KCNK18: variants seen among roughly 807,000 people sequenced by gnomAD.
The protein encoded by KCNK18 is potassium channel subfamily K member 18.
KCNK18 carries 8 observed loss-of-function variants against 11.8 expected under a neutral mutation model. That is an observed-to-expected ratio of 0.68 (90% CI 0.40 to 1.22). The LOEUF (loss-of-function observed/expected upper bound fraction) is 1.22. KCNK18 is among the 50% of genes most tolerant of loss of function. The probability of loss-of-function intolerance (pLI) is 0.01; values close to 1 mark genes in which losing one functional copy is unlikely to be tolerated. For synonymous variants in KCNK18, 208 were observed against 185.8 expected, an observed-to-expected ratio of 1.12 and a Z score of -0.97; for missense variants, 442 against 465.4, an observed-to-expected ratio of 0.95 and a Z score of 0.46.
At chr10:117,201,023 C>T (rs539144617) in intron 1 of KCNK18, 136 bp from the exon 2 acceptor site, 21 of 1,007,636 alleles carry the variant, frequency 2.1e-5, no homozygotes, top group African/African-American at 6.3e-5. Context: ...CTCCGACCAC[C>T]GAGCTTTGGT....
In KCNK18 at chr10:117,200,686, C is replaced by T. The variant is rs535362017; in HGVS notation, c.224-473C>T. Among the ~76,000 whole-genome samples the T allele has an allele frequency of 9.2e-5, 14 of 152,126 alleles. No individual in the cohort carries two copies. In the South Asian group the frequency reaches 2.3e-3, roughly 25 times the overall value. On this transcript the variant is annotated intron_variant, in intron 1 of 2. Transcript: ENST00000334549. ...CTGGGCATGGGTGTGGTAGTACGCC[C>T]CTGTAGTCTCAGCTACGCAGGAGGC...
rs1222901550 is a variant in KCNK18, at chr10:117,210,201, A to G, written c.1057A>G (p.Ile353Val). 8.1e-6 allele frequency: 13 copies of G among 1,614,200 alleles called. No homozygotes were observed. Among genetic ancestry groups the G allele is most frequent in the Non-Finnish European group, 1.1e-5 (13 of 1,180,014 alleles). Reference sequence around the variant, plus strand: ...CATCGTTGGAATGGAGATTGTGTTCATTGCTTTCAAGTTGGTGCAAAACAG... The same window carrying G: ...CATCGTTGGAATGGAGATTGTGTTCGTTGCTTTCAAGTTGGTGCAAAACAG... ...YIIVGMEIVF[I>V]AFKLVQNRLI... is the part of the protein sequence containing the mutation. The change falls in exon 3 of 3, where the codon ATT becomes GTT. Residue 353 changes from isoleucine (I) to valine (V), a missense_variant. Physicochemically the swap from Ile to Val is conservative, Grantham distance 29 (BLOSUM62 3). Transcript: ENST00000334549.
chr10:117,197,602 TG>T lies in KCNK18; in HGVS notation c.115del (p.Val39TrpfsTer31). 1 of 1,614,118 alleles carries T rather than the reference TG, an allele frequency of 6.2e-7. No homozygotes were observed. The highest frequency in any genetic ancestry group is 8.5e-7 in the Non-Finnish European group (1 of 1,179,942). Reference sequence around the variant, plus strand: ...TGGTGACCTACGCCCTGGTGGGTGCTGTGGTCTTCTCTGCCATTGAGGACGG... The same window carrying T: ...TGGTGACCTACGCCCTGGTGGGTGCTTGGTCTTCTCTGCCATTGAGGACGG... Reference protein sequence around the residue: ...FLVTYALVGAVVFSAIEDGQV... With the variant: ...FLVTYALVGAXVFSAIEDGQV... On this transcript the variant is annotated frameshift_variant, in exon 1 of 3. Transcript: ENST00000334549. LOFTEE classifies it high-confidence loss of function.
intron 1 of KCNK18, among the ~76,000 whole-genome samples, chr10:117,199,134 C>G (rs543597263): frequency 6.6e-6 from 1 of 152,258 alleles, no homozygotes; most frequent in South Asian, 2.1e-4. Context: ...GCCTGGGCAA[C>G]AAGGTGAGAC....
At chr10:117,208,450 A>G (rs890765019) in intron 2 of KCNK18, among the ~76,000 whole-genome samples, 11 of 152,170 alleles carry the variant, frequency 7.2e-5, no homozygotes, top group Non-Finnish European at 1.2e-4. Flanking sequence ...TACAGATAAA[A>G]AAAACCTGAA....
chr10:117,205,441 G>C (rs187227342), intron 2 of KCNK18, among the ~76,000 whole-genome samples: 6 of 152,236 alleles, frequency 3.9e-5, no homozygotes, highest in Non-Finnish European at 8.8e-5. Flanking sequence ...ATCTCACCCA[G>C]AGGCAGCCAA....
intron 1 of KCNK18, among the ~76,000 whole-genome samples, chr10:117,198,335 G>C (rs1346374946): frequency 6.6e-6 from 1 of 152,092 alleles, no homozygotes; most frequent in African/African-American, 2.4e-5. Flanking sequence ...CTCCCAGCTT[G>C]CTCTGCAATC....
At chr10:117,206,728 A>G (rs1318484904) in intron 2 of KCNK18, among the ~76,000 whole-genome samples, 2 of 152,060 alleles carry the variant, frequency 1.3e-5, no homozygotes, top group Non-Finnish European at 2.9e-5. Flanking sequence ...CCTTGGTGAA[A>G]AGTTAGAAAA....
In KCNK18 at chr10:117,209,712, C is replaced by G. The variant is rs372982639; in HGVS notation, c.568C>G (p.Pro190Ala). 2.5e-6 allele frequency: 4 copies of G among 1,611,668 alleles called. No homozygotes were observed. The highest frequency in any genetic ancestry group is 3.4e-6 in the Non-Finnish European group (4 of 1,178,030). ...WCPKSLFKKK[P>A]DPKPADEAVP... ...CCCCAAATCTCTCTTCAAGAAAAAA[C>G]CGGACCCCAAGCCCGCAGATGAAGC... The change falls in exon 3 of 3, where the codon CCG (proline) becomes GCG (alanine). Residue 190 changes from proline to alanine, a missense_variant. Physicochemically the swap from Pro to Ala is conservative, Grantham distance 27. Coordinates refer to ENST00000334549, the MANE Select transcript of KCNK18 (RefSeq NM_181840.1).
At position 117,209,841 on chromosome 10, in the gene KCNK18, G is replaced by A. The variant is rs749608744; in HGVS notation, c.697G>A (p.Ala233Thr). The A allele has an allele frequency of 6.2e-7, 1 of 1,614,164 alleles. No individual in the cohort carries two copies. Among genetic ancestry groups the A allele is most frequent in the South Asian group, 1.1e-5 (1 of 91,080 alleles). Residue 233 changes from alanine (A) to threonine (T), a missense_variant, in exon 3 of 3, where the codon GCG becomes ACG. Physicochemically the swap from Ala to Thr is moderately conservative, Grantham distance 58. Transcript: ENST00000334549. Reference sequence around the variant, plus strand: ...CATGGAGCTGTTTGAGAGATCTCATGCGCTAGAGAAACAGAACACACTGCA... The same window carrying A: ...CATGGAGCTGTTTGAGAGATCTCATACGCTAGAGAAACAGAACACACTGCA... ...CSMELFERSH[A>T]LEKQNTLQLP...
chr10:117,202,260 G>A (rs1294801507), intron 2 of KCNK18, among the ~76,000 whole-genome samples: 5 of 152,236 alleles, frequency 3.3e-5, no homozygotes, highest in Admixed American at 3.3e-4. Flanking sequence ...TGGCCCCTCT[G>A]AGCCTTGTAC....
intron 2 of KCNK18, among the ~76,000 whole-genome samples, chr10:117,202,883 ATGC>A (rs1323490384): frequency 4.0e-5 from 2 of 49,832 alleles, no homozygotes; most frequent in African/African-American, 1.1e-4. Context: ...ATTTGCCTGA[ATGC>A]TTTTTTTTTT....
intron 2 of KCNK18, among the ~76,000 whole-genome samples, chr10:117,201,508 T>C (rs1855013879): frequency 6.6e-6 from 1 of 152,230 alleles, no homozygotes; most frequent in African/African-American, 2.4e-5. Context: ...ACCTTTATGC[T>C]GATTAGCTCA....
rs147892870 is a variant in KCNK18, at chr10:117,209,930, A to G, written c.786A>G (p.Ser262=). The change falls in exon 3 of 3, where the codon TCA becomes TCG. Residue 262 remains serine, a synonymous_variant. Transcript: ENST00000334549. ...SCPELVLGRL[S]YSIISNLDEV... ...CCGAACTGGTGTTGGGAAGACTCTCATACTCCATCATCAGCAACCTGGATG... is the reference window on the plus strand; with the variant it reads ...CCGAACTGGTGTTGGGAAGACTCTCGTACTCCATCATCAGCAACCTGGATG... 24 of 1,614,118 alleles carry G rather than the reference A, an allele frequency of 1.5e-5. No individual in the cohort carries two copies. In the African/African-American group the frequency reaches 3.1e-4, roughly 21 times the overall value.
chr10:117,201,303 C>T lies in KCNK18; in HGVS notation c.352+16C>T. 2.5e-6 allele frequency: 4 copies of T among 1,611,682 alleles called. No homozygotes were observed. Among genetic ancestry groups the T allele is most frequent in the Non-Finnish European group, 2.5e-6 (3 of 1,179,946 alleles). ...AGCACCGTGGGTAAGTGCAAAGCCA[C>T]AGTCCCCCTCACGGTGGCCCTGTGA... On this transcript the variant is annotated intron_variant, in intron 2 of 2. Transcript: ENST00000334549.
chr10:117,205,374 G>A (rs1262069881), intron 2 of KCNK18, among the ~76,000 whole-genome samples: 2 of 152,290 alleles, frequency 1.3e-5, no homozygotes, highest in South Asian at 2.1e-4. Context: ...TCTGAGACCT[G>A]CTTCCTTTAA....
In KCNK18 at chr10:117,197,545, G is replaced by C; in HGVS notation, c.57G>C (p.Lys19Asn). 1 of 1,614,216 alleles carries C rather than the reference G, an allele frequency of 6.2e-7. No individual in the cohort carries two copies. The highest frequency in any genetic ancestry group is 8.5e-7 in the Non-Finnish European group (1 of 1,180,048). ...ARRCCPEALG[K>N]LFPGLCFLCF... ...GATGCTGCCCAGAGGCCCTGGGAAA[G>C]CTCTTCCCTGGCCTCTGCTTCCTCT... The change falls in exon 1 of 3, where the codon AAG (lysine) becomes AAC (asparagine). Residue 19 changes from lysine (K) to asparagine (N), a missense_variant. By Grantham distance (94) the Lys-to-Asn change is moderately conservative. Transcript: ENST00000334549.
At chr10:117,203,560 GAC>G (rs1855039766) in intron 2 of KCNK18, among the ~76,000 whole-genome samples, 3 of 152,322 alleles carry the variant, frequency 2.0e-5, no homozygotes, top group African/African-American at 7.2e-5. Context: ...AGCTTTTTGA[GAC>G]AGAGTCTTGC....
In KCNK18 at chr10:117,197,518, G is replaced by A; in HGVS notation, c.30G>A (p.Arg10=). 1.9e-6 allele frequency: 3 copies of A among 1,613,746 alleles called. No homozygotes were observed. Among genetic ancestry groups the A allele is most frequent in the Admixed American group, 1.7e-5 (1 of 60,034 alleles). The change falls in exon 1 of 3, where the codon AGG becomes AGA. Residue 10 remains arginine, a synonymous_variant. Coordinates refer to ENST00000334549, the MANE Select transcript of KCNK18 (RefSeq NM_181840.1). ...AGGTCTCGGGGCACCCCCAGGCCAG[G>A]AGATGCTGCCCAGAGGCCCTGGGAA... is the stretch of plus-strand genomic sequence containing the variant. MEVSGHPQA[R]RCCPEALGKL...
Sources: gnomAD v4.1 joint callset for allele counts (sites outside exome capture counted in the v4.1 genomes callset) on GRCh38, gnomAD v4.1.1 for gene constraint, MANE v1.5 for transcripts, NCBI Gene and HGNC (gene_info 2026-07-23, HGNC 2026-07-21) for gene names.